The following AMBRA1 variants were observed in gnomAD, a reference collection of about 807,000 sequenced individuals.
AMBRA1 encodes the protein activating molecule in BECN1-regulated autophagy protein 1.
Under a neutral mutation model 125.4 loss-of-function variants are expected in AMBRA1, and 47 were observed. That is an observed-to-expected ratio of 0.37 (90% CI 0.30 to 0.48). The LOEUF is 0.48. Ranked by LOEUF, AMBRA1 falls within the 20% of genes least tolerant of loss-of-function variation. The pLI is 0.99. For synonymous variants in AMBRA1, 626 were observed against 655.5 expected, an observed-to-expected ratio of 0.95 and a Z score of 0.69; for missense variants, 1,331 against 1,693.4, an observed-to-expected ratio of 0.79 and a Z score of 3.76.
rs1249003021 is a variant in AMBRA1 at position 46,545,669 on chromosome 11, G to A, written c.486C>T (p.Phe162=). The A allele has an allele frequency of 6.2e-7, 1 of 1,614,198 alleles. No individual in the cohort carries two copies. The highest frequency in any genetic ancestry group is 1.1e-5 in the South Asian group (1 of 91,086). ...AGGGTTCCCGTCGACTCCAGTCCCA[G>A]AAGTGGATCTCATTGGCAGTGGCAA... ...LLIATANEIH[F]WDWSRREPFA... Residue 162 remains phenylalanine (F), a synonymous_variant, in exon 5 of 18, where the codon TTC becomes TTT. Transcript: ENST00000683756.
intron 11 of AMBRA1, 131 bp from the exon 12 acceptor site, chr11:46,443,729 A>G (rs759499940): frequency 4.2e-6 from 3 of 720,066 alleles, no homozygotes; most frequent in Non-Finnish European, 4.6e-6. Context: ...AAGAAAGCTA[A>G]TGAGTCCCAT....
intron 13 of AMBRA1, 23 bp downstream of exon 13, chr11:46,434,826 A>C: frequency 6.4e-7 from 1 of 1,558,874 alleles, no homozygotes; most frequent in Non-Finnish European, 8.7e-7. Context: ...CTCTGTCATT[A>C]GGTTGGGCTT....
rs149417457 is a variant in AMBRA1, at chr11:46,466,491, T to C, written c.2522-22893A>G. On this transcript the variant is annotated intron_variant, in intron 11 of 17. Transcript: ENST00000683756. Reference sequence around the variant, plus strand: ...TACAGAGGAACTAGGGCTTGAAGCATGTGGAAAGGAGAATGGTTCAGGATA... The same window carrying C: ...TACAGAGGAACTAGGGCTTGAAGCACGTGGAAAGGAGAATGGTTCAGGATA... Among the ~76,000 whole-genome samples, 965 of 152,162 alleles carry C rather than the reference T, an allele frequency of 6.3e-3. 10 individuals carry two copies. Among genetic ancestry groups the C allele is most frequent in the African/African-American group, 0.015 (640 of 41,496 alleles).
chr11:46,415,779 G>T (rs943076697), intron 15 of AMBRA1, among the ~76,000 whole-genome samples: 8 of 152,332 alleles, frequency 5.3e-5, no homozygotes, highest in African/African-American at 1.4e-4. Context: ...CTTACTCAGG[G>T]AAGAGGCTTG....
intron 12 of AMBRA1, among the ~76,000 whole-genome samples, chr11:46,438,172 A>G (rs1947819064): frequency 6.6e-6 from 1 of 152,238 alleles, no homozygotes. Flanking sequence ...TGGGCAGTGA[A>G]GAATGGAAAT....
At chr11:46,444,948 G>A (rs906001899) in intron 11 of AMBRA1, among the ~76,000 whole-genome samples, 1 of 151,740 alleles carries the variant, frequency 6.6e-6, no homozygotes, top group South Asian at 2.1e-4. Flanking sequence ...CAATTTGTAA[G>A]GAAAAGTACA....
At chr11:46,465,522 C>A (rs953116846) in intron 11 of AMBRA1, among the ~76,000 whole-genome samples, 1 of 152,174 alleles carries the variant, frequency 6.6e-6, no homozygotes, top group Non-Finnish European at 1.5e-5. Context: ...AGATTAAAAA[C>A]TAGTGACCTA....
chr11:46,404,203 A>G (rs892750580), intron 17 of AMBRA1, among the ~76,000 whole-genome samples: 3 of 152,178 alleles, frequency 2.0e-5, no homozygotes, highest in Non-Finnish European at 4.4e-5. Context: ...AATAAAAACA[A>G]AATAAATAAA....
chr11:46,533,035 C>T (rs1234795280), intron 7 of AMBRA1, among the ~76,000 whole-genome samples: 1 of 152,054 alleles, frequency 6.6e-6, no homozygotes, highest in African/African-American at 2.4e-5. Flanking sequence ...TGGTGGCACA[C>T]ACTTGTAATC....
At chr11:46,467,770 G>A (rs931963167) in intron 11 of AMBRA1, among the ~76,000 whole-genome samples, 1 of 151,904 alleles carries the variant, frequency 6.6e-6, no homozygotes, top group Non-Finnish European at 1.5e-5. Context: ...CTGACCTCAC[G>A]TGATCCTCCC....
At chr11:46,482,711 G>A (rs1004289320) in intron 11 of AMBRA1, among the ~76,000 whole-genome samples, 1 of 152,018 alleles carries the variant, frequency 6.6e-6, no homozygotes, top group African/African-American at 2.4e-5. Context: ...CCAGCTATGA[G>A]CCACAAGAGT....
At chr11:46,581,104 G>A (rs1012107052) in intron 1 of AMBRA1, among the ~76,000 whole-genome samples, 4 of 151,822 alleles carry the variant, frequency 2.6e-5, no homozygotes, top group South Asian at 2.1e-4. Flanking sequence ...CCAGAGTAAC[G>A]TTTTAAAATC....
intron 1 of AMBRA1, among the ~76,000 whole-genome samples, chr11:46,563,399 T>C (rs2043403827): frequency 6.6e-6 from 1 of 152,142 alleles, no homozygotes; most frequent in African/African-American, 2.4e-5. Flanking sequence ...TAATTTTCTT[T>C]ATTTTTTGTA....
rs536405127 is a variant in AMBRA1, at chr11:46,591,873, A to C, written c.-121+1955T>G. 5.6e-4 allele frequency among the ~76,000 whole-genome samples: 85 copies of C among 151,910 alleles called. 1 individual carries two copies. Among genetic ancestry groups the C allele is most frequent in the Admixed American group, 3.3e-3 (50 of 15,240 alleles). ...CTCCGTCTCAAAAAACACACACACAAAAAAACGCTCTCTTACTGATTCTAC... is the reference window on the plus strand; with the variant it reads ...CTCCGTCTCAAAAAACACACACACACAAAAACGCTCTCTTACTGATTCTAC... On this transcript the variant is annotated intron_variant, in intron 1 of 17. Coordinates refer to ENST00000683756, the MANE Select transcript of AMBRA1 (RefSeq NM_001387011.1).
intron 15 of AMBRA1, among the ~76,000 whole-genome samples, chr11:46,417,254 G>A (rs551560292): frequency 1.3e-5 from 2 of 152,140 alleles, no homozygotes; most frequent in South Asian, 2.1e-4. Flanking sequence ...GTTTTACCAC[G>A]TTGACCAGGA....
chr11:46,558,265 A>T (rs78301726), intron 1 of AMBRA1, among the ~76,000 whole-genome samples: 1,795 of 152,088 alleles, frequency 0.012, 21 homozygotes, highest in Middle Eastern at 0.02. Flanking sequence ...TACTAACCTA[A>T]TATCACCGGG....
Position 46,436,141 on chromosome 11 carries a change from C to T in AMBRA1, c.2633-1104G>A, listed in dbSNP as rs546034847. Among the ~76,000 whole-genome samples the T allele has an allele frequency of 7.9e-5, 12 of 152,306 alleles. No homozygotes were observed. In the South Asian group the frequency reaches 2.5e-3, roughly 32 times the overall value. On this transcript the variant is annotated intron_variant, in intron 12 of 17. Coordinates refer to ENST00000683756, the MANE Select transcript of AMBRA1 (RefSeq NM_001387011.1). ...AGGCATTGTGGTAATTTTTTAAAAG[C>T]CAAGCTCAGCTGCCCTCGCCAGAGT...
chr11:46,564,959 T>G (rs1296317242), intron 1 of AMBRA1, among the ~76,000 whole-genome samples: 1 of 152,108 alleles, frequency 6.6e-6, no homozygotes, highest in East Asian at 1.9e-4. Flanking sequence ...GTGTGAGTAC[T>G]CTACAAATAA....
intron 1 of AMBRA1, among the ~76,000 whole-genome samples, chr11:46,567,475 T>A (rs750680087): frequency 5.9e-5 from 9 of 152,186 alleles, no homozygotes; most frequent in Non-Finnish European, 8.8e-5. Flanking sequence ...CAAGCAGTCC[T>A]CTGGCTCAAC....
Sources: allele counts gnomAD v4.1 joint callset (sites outside exome capture counted in the v4.1 genomes callset), GRCh38; gene constraint gnomAD v4.1.1; transcripts MANE v1.5; gene names NCBI Gene and HGNC (gene_info 2026-07-23, HGNC 2026-07-21).